PAWR: variants seen among roughly 807,000 people sequenced by gnomAD.
The protein encoded by PAWR is pro-apoptotic WT1 regulator.
A neutral mutation model predicts 32.0 loss-of-function variants in PAWR; 23 were observed. That is an observed-to-expected ratio of 0.72 (90% CI 0.52 to 1.02). The LOEUF is 1.02. PAWR is among the 50% of genes least tolerant of loss of function. The probability of loss-of-function intolerance (pLI) is 0.00; values close to 1 mark genes in which losing one functional copy is unlikely to be tolerated. For missense variants in PAWR, 457 were observed against 437.7 expected, an observed-to-expected ratio of 1.04 and a Z score of -0.39; for synonymous variants, 226 against 187.1, an observed-to-expected ratio of 1.21 and a Z score of -1.70.
chr12:79,637,978 G>C (rs1566013274), intron 2 of PAWR, among the ~76,000 whole-genome samples: 1 of 152,058 alleles, frequency 6.6e-6, no homozygotes, highest in Non-Finnish European at 1.5e-5. Flanking sequence ...TAGCTGCATA[G>C]TATTATATCA....
At chr12:79,664,661 G>C (rs569405931) in intron 2 of PAWR, among the ~76,000 whole-genome samples, 3 of 149,040 alleles carry the variant, frequency 2.0e-5, no homozygotes, top group Non-Finnish European at 4.5e-5. Context: ...TCTTTGGCGG[G>C]GGGGGGAGGA....
intron 2 of PAWR, among the ~76,000 whole-genome samples, chr12:79,652,857 CCAGTA>C (rs750592657): frequency 1.3e-5 from 2 of 151,984 alleles, no homozygotes; most frequent in Admixed American, 1.3e-4. Flanking sequence ...TTCTCCATCA[CCAGTA>C]AAGTAATAAA....
At chr12:79,632,537 TTTTGTTTAGTTTTTTGTA>T (rs1271751014) in intron 2 of PAWR, among the ~76,000 whole-genome samples, 1 of 149,938 alleles carries the variant, frequency 6.7e-6, no homozygotes, top group African/African-American at 2.5e-5. Flanking sequence ...TCTTGTTTTG[TTTTGTTTAGTTTTTTGTA>T]GAAATGGGGT....
chr12:79,600,102 T>C (rs560596004), intron 4 of PAWR, among the ~76,000 whole-genome samples: 4 of 152,314 alleles, frequency 2.6e-5, no homozygotes, highest in East Asian at 3.9e-4. Flanking sequence ...ACTTCGCCCA[T>C]CAATTATGGC....
At chr12:79,611,773 G>A (rs898359151) in intron 4 of PAWR, among the ~76,000 whole-genome samples, 16 of 152,028 alleles carry the variant, frequency 1.1e-4, no homozygotes, top group African/African-American at 3.9e-4. Context: ...ATACAAGTAA[G>A]AAAAGTACAA....
intron 2 of PAWR, among the ~76,000 whole-genome samples, chr12:79,644,747 T>C (rs577386122): frequency 1.3e-5 from 2 of 152,250 alleles, no homozygotes; most frequent in African/African-American, 4.8e-5. Context: ...AAACTGAAAC[T>C]AGGCTTTAAA....
chr12:79,623,548 A>C (rs1476278877), intron 2 of PAWR, among the ~76,000 whole-genome samples: 4 of 152,182 alleles, frequency 2.6e-5, no homozygotes. Flanking sequence ...AATTTCCCAA[A>C]GTAACATCAA....
intron 2 of PAWR, among the ~76,000 whole-genome samples, chr12:79,624,927 G>C (rs1479189680): frequency 6.6e-6 from 1 of 152,084 alleles, no homozygotes; most frequent in Non-Finnish European, 1.5e-5. Context: ...GGATTTCCTG[G>C]ATAGATTCTT....
At chr12:79,683,961 T>C (rs1023557954) in intron 2 of PAWR, among the ~76,000 whole-genome samples, 2 of 152,170 alleles carry the variant, frequency 1.3e-5, no homozygotes, top group Non-Finnish European at 2.9e-5. Flanking sequence ...TTTAAGTTAA[T>C]GGCTTCTCAT....
chr12:79,623,547 A>G (rs924798699), intron 2 of PAWR, among the ~76,000 whole-genome samples: 1 of 152,152 alleles, frequency 6.6e-6, no homozygotes, highest in African/African-American at 2.4e-5. Flanking sequence ...AAATTTCCCA[A>G]AGTAACATCA....
chr12:79,611,350 T>A (rs910980272), intron 4 of PAWR, among the ~76,000 whole-genome samples: 3 of 148,954 alleles, frequency 2.0e-5, no homozygotes, highest in Non-Finnish European at 4.5e-5. Flanking sequence ...CAGTTATATA[T>A]ATATAAAAAA....
intron 4 of PAWR, among the ~76,000 whole-genome samples, chr12:79,611,724 G>A (rs1874449242): frequency 6.6e-6 from 1 of 151,970 alleles, no homozygotes; most frequent in South Asian, 2.1e-4. Flanking sequence ...GCAAATCTTT[G>A]AAAGCTGAAA....
rs540598933 is a variant in PAWR, at chr12:79,607,500, A to C, written c.683+6075T>G. Among the ~76,000 whole-genome samples, 241 of 152,172 alleles carry C rather than the reference A, an allele frequency of 1.6e-3. 1 individual carries two copies. The highest frequency in any genetic ancestry group is 5.5e-3 in the African/African-American group (228 of 41,518). ...TTCCAGCACTTTGGGAGGCCAAGAC[A>C]GGCAGATCTCTTTAGCCTAGGAGTT... On this transcript the variant is annotated intron_variant, in intron 4 of 6. Transcript: ENST00000328827.
At chr12:79,605,031 A>T (rs1483318453) in intron 4 of PAWR, among the ~76,000 whole-genome samples, 3 of 152,052 alleles carry the variant, frequency 2.0e-5, no homozygotes, top group Non-Finnish European at 4.4e-5. Flanking sequence ...GCAGTTTATC[A>T]CATGAATAGT....
intron 2 of PAWR, among the ~76,000 whole-genome samples, chr12:79,655,304 G>A (rs1007646604): frequency 2.0e-5 from 3 of 152,164 alleles, no homozygotes; most frequent in Non-Finnish European, 4.4e-5. Context: ...GCTCCAGGCC[G>A]CCACTCTCCA....
chr12:79,652,759 C>T (rs1436105385), intron 2 of PAWR, among the ~76,000 whole-genome samples: 1 of 152,142 alleles, frequency 6.6e-6, no homozygotes, highest in Non-Finnish European at 1.5e-5. Flanking sequence ...GGAGTGAAAC[C>T]TGGCTTATAA....
intron 2 of PAWR, among the ~76,000 whole-genome samples, chr12:79,687,219 A>C (rs569244260): frequency 2.0e-5 from 3 of 152,310 alleles, no homozygotes; most frequent in African/African-American, 7.2e-5. Context: ...CCTACCTCCC[A>C]AATAGCTAGT....
intron 2 of PAWR, among the ~76,000 whole-genome samples, chr12:79,662,069 A>G (rs1013006216): frequency 6.6e-6 from 1 of 152,120 alleles, no homozygotes; most frequent in Non-Finnish European, 1.5e-5. Context: ...ATCTCAGTCA[A>G]TACGCATAGT....
chr12:79,672,314 TTATC>T (rs1743376730), intron 2 of PAWR, among the ~76,000 whole-genome samples: 1 of 152,188 alleles, frequency 6.6e-6, no homozygotes, highest in Admixed American at 6.5e-5. Context: ...GACCTGGTCT[TTATC>T]TCTTCTCACC....
Sources: allele counts gnomAD v4.1 joint callset (sites outside exome capture counted in the v4.1 genomes callset), GRCh38; gene constraint gnomAD v4.1.1; transcripts MANE v1.5; gene names NCBI Gene and HGNC (gene_info 2026-07-23, HGNC 2026-07-21).